The following SENP2 variants were observed in gnomAD, a reference collection of about 807,000 sequenced individuals.
SENP2 encodes sentrin-specific protease 2.
A neutral mutation model predicts 86.3 loss-of-function variants in SENP2; 16 were observed. That is an observed-to-expected ratio of 0.19 (90% CI 0.13 to 0.28). The LOEUF (loss-of-function observed/expected upper bound fraction) is 0.28. SENP2 is among the 10% of genes least tolerant of loss of function. The probability of loss-of-function intolerance (pLI) is 1.00; values close to 1 mark genes in which losing one functional copy is unlikely to be tolerated. For synonymous variants in SENP2, 222 were observed against 238.7 expected (o/e 0.93, Z 0.64); for missense variants, 552 against 703.0 (o/e 0.79, Z 2.43).
intron 16 of SENP2, 59 bp from the exon 17 acceptor site, chr3:185,629,723 G>T (rs1712328244): frequency 3.3e-6 from 5 of 1,520,174 alleles, no homozygotes; most frequent in Non-Finnish European, 3.7e-6. Context: ...ACACCTGAAG[G>T]TTGTGCTGCC....
intron 10 of SENP2, among the ~76,000 whole-genome samples, chr3:185,613,962 A>T (rs1475109562): frequency 6.6e-6 from 1 of 152,118 alleles, no homozygotes; most frequent in Non-Finnish European, 1.5e-5. Flanking sequence ...CCATACCAAC[A>T]TGTTACCTAC....
intron 12 of SENP2, among the ~76,000 whole-genome samples, chr3:185,618,776 G>A (rs773252519): frequency 1.3e-5 from 2 of 152,082 alleles, no homozygotes; most frequent in Non-Finnish European, 2.9e-5. Context: ...CTACTCGGGA[G>A]GCTGAGGCAG....
chr3:185,608,346 A>G (rs533237698), intron 6 of SENP2, among the ~76,000 whole-genome samples: 4 of 152,330 alleles, frequency 2.6e-5, no homozygotes, highest in South Asian at 4.1e-4. Context: ...AAATATTGGT[A>G]GGTAGTATTA....
chr3:185,588,683 T>G (rs1314601291), intron 1 of SENP2, among the ~76,000 whole-genome samples: 1 of 152,182 alleles, frequency 6.6e-6, no homozygotes. Context: ...CTCTCCTATC[T>G]TTCCGTTGGG....
At chr3:185,592,018 T>C (rs1370344750) in intron 2 of SENP2, among the ~76,000 whole-genome samples, 3 of 131,390 alleles carry the variant, frequency 2.3e-5, no homozygotes, top group Non-Finnish European at 3.2e-5. Context: ...TTTCTTTTTT[T>C]TTTTTTTTTT....
At chr3:185,609,702 C>A (rs181051856) in intron 7 of SENP2, among the ~76,000 whole-genome samples, 1 of 151,948 alleles carries the variant, frequency 6.6e-6, no homozygotes, top group Non-Finnish European at 1.5e-5. Context: ...TTCCCCACCC[C>A]ACTCCTGCCC....
chr3:185,602,832 T>TA (rs1156317272), intron 5 of SENP2, among the ~76,000 whole-genome samples: 15,556 of 62,702 alleles, frequency 0.25, 2,265 homozygotes, highest in Non-Finnish European at 0.28. Flanking sequence ...GACTCTGTCT[T>TA]AAAAAAAAAA....
At chr3:185,603,005 T>C (rs1273868677) in intron 5 of SENP2, among the ~76,000 whole-genome samples, 1 of 146,040 alleles carries the variant, frequency 6.8e-6, no homozygotes, top group Non-Finnish European at 1.5e-5. Flanking sequence ...CTCTGCCTCC[T>C]GGGTTCAAGC....
At chr3:185,624,219 T>G in intron 15 of SENP2, 137 bp downstream of exon 15, 1 of 584,588 alleles carries the variant, frequency 1.7e-6, no homozygotes, top group Non-Finnish European at 2.9e-6. Context: ...CTTTCTTTCT[T>G]TTTTGTAGAG....
chr3:185,599,490 T>TTA (rs1459752478), intron 4 of SENP2, among the ~76,000 whole-genome samples: 1 of 152,116 alleles, frequency 6.6e-6, no homozygotes, highest in Non-Finnish European at 1.5e-5. Context: ...ATTGTCATTA[T>TTA]TATATATATG....
chr3:185,629,874 G>A lies in SENP2; in HGVS notation c.*30G>A. The A allele has an allele frequency of 6.2e-7, 1 of 1,609,088 alleles. No homozygotes were observed. The highest frequency in any genetic ancestry group is 8.5e-7 in the Non-Finnish European group (1 of 1,175,602). On this transcript the variant is annotated 3_prime_UTR_variant, in exon 17 of 17. Transcript: ENST00000296257. The stretch of plus-strand genomic sequence containing the variant: ...ACTTTGCCTGGTCCCTCTAGCTGCT[G>A]GTGGTTCTTTCACAGACATTTCCAT...
chr3:185,626,350 A>T lies in SENP2; in HGVS notation c.1664A>T (p.Tyr555Phe). 1 of 1,612,582 alleles carries T rather than the reference A, an allele frequency of 6.2e-7. No individual in the cohort carries two copies. ...GATTGTGGAATGTTTACTTGTAAAT[A>T]TGCAGATTATATTTCTAGGGACAAA... ...GSDCGMFTCK[Y>F]ADYISRDKPI... The change falls in exon 16 of 17, where the codon TAT becomes TTT. Residue 555 changes from tyrosine to phenylalanine, a missense_variant. This residue lies in a region of SENP2 where 169 missense variants were observed against 275.7 expected (regional missense o/e 0.61). Coordinates refer to ENST00000296257, the MANE Select transcript of SENP2 (RefSeq NM_021627.3).
In SENP2 at chr3:185,612,740, C is replaced by A; in HGVS notation, c.869+82C>A. The A allele has an allele frequency of 3.0e-6, 3 of 1,007,508 alleles. No individual in the cohort carries two copies. The South Asian group carries it at 4.4e-5, about 15-fold the overall frequency. 62.4% of individuals were successfully genotyped at this position (1,007,508 alleles called of 1,614,324 possible). A position where few individuals can be genotyped will look rare whatever the true frequency, so the allele number is the denominator to read the frequency against. On this transcript the variant is annotated intron_variant, in intron 9 of 16. Coordinates refer to ENST00000296257, the MANE Select transcript of SENP2 (RefSeq NM_021627.3). ...AAGCTGTATTTATGAGTAAGCAGTTCTGAGGAATTGTGAACTCTCTTGAGT... is the reference window on the plus strand; with the variant it reads ...AAGCTGTATTTATGAGTAAGCAGTTATGAGGAATTGTGAACTCTCTTGAGT...
Position 185,597,715 on chromosome 3 carries a change from G to A in SENP2, c.158-697G>A, listed in dbSNP as rs1006193621. Among the ~76,000 whole-genome samples the A allele has an allele frequency of 4.7e-5, 7 of 150,126 alleles. No homozygotes were observed. In the South Asian group the frequency reaches 6.3e-4, roughly 14 times the overall value. On this transcript the variant is annotated intron_variant, in intron 2 of 16. Coordinates refer to ENST00000296257, the MANE Select transcript of SENP2 (RefSeq NM_021627.3). ...GTTGCCCAGGCTGGAGTGTAATGGC[G>A]CGATCTTGGCTCACCACAACCTCTG...
chr3:185,621,067 A>C (rs569906510), intron 13 of SENP2, among the ~76,000 whole-genome samples: 1 of 149,040 alleles, frequency 6.7e-6, no homozygotes, highest in East Asian at 2.1e-4. Context: ...CTGAGGTGGA[A>C]GATTCCCTGA....
intron 5 of SENP2, among the ~76,000 whole-genome samples, chr3:185,601,358 T>C (rs1466623300): frequency 2.6e-5 from 4 of 152,126 alleles, no homozygotes; most frequent in Admixed American, 2.6e-4. Flanking sequence ...CATTTTCTAC[T>C]GTATTATATG....
intron 10 of SENP2, among the ~76,000 whole-genome samples, chr3:185,614,186 TAAAG>T (rs746688606): frequency 5.9e-5 from 9 of 152,238 alleles, no homozygotes; most frequent in Non-Finnish European, 1.3e-4. Flanking sequence ...TGAGTTACTA[TAAAG>T]ATAGTAGGGA....
At chr3:185,590,928 A>G (rs1341242325) in intron 2 of SENP2, among the ~76,000 whole-genome samples, 1 of 73,118 alleles carries the variant, frequency 1.4e-5, no homozygotes, top group Non-Finnish European at 2.6e-5. Flanking sequence ...TTTTTTTGAG[A>G]CAGAGTCTTG....
Position 185,619,487 on chromosome 3 carries a change from A to G in SENP2, c.1431A>G (p.Val477=), listed in dbSNP as rs757968093. ...EIILVPIHRK[V]HWSLVVIDLR... ...TTCTGGTGCCTATTCATCGGAAGGT[A>G]CATTGGAGCCTGGTGGTGAGTAGAG... Residue 477 remains valine, a synonymous_variant, in exon 13 of 17, where the codon GTA becomes GTG. Coordinates refer to ENST00000296257, the MANE Select transcript of SENP2 (RefSeq NM_021627.3). 2 of 1,614,046 alleles carry G rather than the reference A, an allele frequency of 1.2e-6. No individual in the cohort carries two copies. Among genetic ancestry groups the G allele is most frequent in the African/African-American group, 1.3e-5 (1 of 75,056 alleles).
Sources: allele counts gnomAD v4.1 joint callset (sites outside exome capture counted in the v4.1 genomes callset), GRCh38; gene constraint gnomAD v4.1.1; regional missense constraint gnomAD v4.1.1; transcripts MANE v1.5; gene names NCBI Gene and HGNC (gene_info 2026-07-23, HGNC 2026-07-21).